SAMD5: variants seen among roughly 807,000 people sequenced by gnomAD.
SAMD5 encodes the protein sterile alpha motif domain containing 5.
A neutral mutation model predicts 11.3 loss-of-function variants in SAMD5; 13 were observed. The observed-to-expected ratio is 1.15, with a 90% CI of 0.75 to 1.83. SAMD5 has a LOEUF of 1.83. Ranked by LOEUF, SAMD5 falls within the 40% of genes most tolerant of loss-of-function variation. SAMD5 has a pLI of 0.00. For missense variants in SAMD5, 255 were observed against 239.1 expected, an observed-to-expected ratio of 1.07 and a Z score of -0.44; for synonymous variants, 129 against 111.3, an observed-to-expected ratio of 1.16 and a Z score of -1.00.
chr6:147,640,677 C>A (rs1236154044), intron 1 of SAMD5, among the ~76,000 whole-genome samples: 2 of 152,000 alleles, frequency 1.3e-5, no homozygotes, highest in African/African-American at 4.8e-5. Context: ...AGTCCCATCC[C>A]ATTTAAAACA....
At chr6:147,816,301 A>AAAAAAATAT in the SAMD5 span, among the ~76,000 whole-genome samples, 16 of 66,352 alleles carry the variant, frequency 2.4e-4, no homozygotes, top group African/African-American at 9.2e-4. Flanking sequence ...AAAAAAAAAA[A>AAAAAAATAT]ATATATATAT....
At chr6:147,674,908 T>C (rs755029991) in intron 1 of SAMD5, among the ~76,000 whole-genome samples, 1 of 152,190 alleles carries the variant, frequency 6.6e-6, no homozygotes, top group Non-Finnish European at 1.5e-5. Flanking sequence ...ATTCACAAAC[T>C]AAGGTATTAC....
intron 1 of SAMD5, among the ~76,000 whole-genome samples, chr6:147,578,183 A>C (rs1325674514): frequency 6.6e-6 from 1 of 152,162 alleles, no homozygotes; most frequent in African/African-American, 2.4e-5. Context: ...CTACTTTATA[A>C]ATTTTTTGAA....
chr6:147,654,466 G>T (rs1790536357), intron 1 of SAMD5, among the ~76,000 whole-genome samples: 1 of 152,198 alleles, frequency 6.6e-6, no homozygotes, highest in East Asian at 1.9e-4. Context: ...AACAGTTTCA[G>T]TGACTCTCAG....
the SAMD5 span, among the ~76,000 whole-genome samples, chr6:147,894,714 T>A: frequency 5.9e-5 from 9 of 152,188 alleles, no homozygotes; most frequent in Non-Finnish European, 1.3e-4. Flanking sequence ...TCTATTTGCA[T>A]AGAATTTATA....
intron 1 of SAMD5, among the ~76,000 whole-genome samples, chr6:147,596,178 G>A (rs62434734): frequency 0.088 from 13,402 of 152,102 alleles, 716 homozygotes; most frequent in Middle Eastern, 0.15. Context: ...GTCCTCATGT[G>A]CTTTCTCCTC....
the SAMD5 span, among the ~76,000 whole-genome samples, chr6:147,807,920 CTAATCGTA>C: frequency 1.3e-5 from 2 of 152,198 alleles, no homozygotes; most frequent in African/African-American, 4.8e-5. Flanking sequence ...TAGATAGTAT[CTAATCGTA>C]ATACATTTTT....
chr6:147,592,727 T>C (rs1335757327), intron 1 of SAMD5, among the ~76,000 whole-genome samples: 1 of 151,998 alleles, frequency 6.6e-6, no homozygotes, highest in Admixed American at 6.6e-5. Flanking sequence ...GTAAAACAGA[T>C]AATAATACCC....
chr6:147,805,545 A>T, the SAMD5 span, among the ~76,000 whole-genome samples: 1 of 152,328 alleles, frequency 6.6e-6, no homozygotes, highest in Non-Finnish European at 1.5e-5. Context: ...GAAAAGGAAA[A>T]CAACTTTGAA....
chr6:147,907,493 T>C, the SAMD5 span, among the ~76,000 whole-genome samples: 1 of 152,264 alleles, frequency 6.6e-6, no homozygotes, highest in Non-Finnish European at 1.5e-5. Context: ...ACCAACCTAA[T>C]ATCTACCTTG....
intron 1 of SAMD5, among the ~76,000 whole-genome samples, chr6:147,732,127 G>A (rs938741253): frequency 6.6e-6 from 1 of 152,226 alleles, no homozygotes; most frequent in East Asian, 1.9e-4. Context: ...CTTTAAAAGA[G>A]GATTGGATTT....
the SAMD5 span, among the ~76,000 whole-genome samples, chr6:147,871,278 AG>A: frequency 3.3e-5 from 5 of 152,204 alleles, no homozygotes; most frequent in Admixed American, 3.3e-4. Context: ...CTAATATTTT[AG>A]AGTTACATAT....
Position 147,568,486 on chromosome 6 carries a change from A to G in SAMD5, c.*4030A>G. On this transcript the variant is annotated 3_prime_UTR_variant, in exon 2 of 2. Coordinates refer to ENST00000367474, the MANE Select transcript of SAMD5 (RefSeq NM_001030060.3). ...TTCTGAATTTCAAGGCAAATAAGGC[A>G]TGAAGGGTGGAACATTGCATCTAGG... is the stretch of plus-strand genomic sequence containing the variant. The G allele has an allele frequency of 1.0e-6, 1 of 985,452 alleles. No homozygotes were observed. The highest frequency in any genetic ancestry group is 1.2e-6 in the Non-Finnish European group (1 of 829,900). The allele number at this position is 985,452 out of a possible 1,614,324, so 61.0% of individuals were successfully genotyped here.
At chr6:147,802,435 C>A in the SAMD5 span, among the ~76,000 whole-genome samples, 1 of 151,804 alleles carries the variant, frequency 6.6e-6, no homozygotes, top group African/African-American at 2.4e-5. Flanking sequence ...TGTGGAACAA[C>A]TCGAGCTCTC....
chr6:147,938,682 G>A, the SAMD5 span, among the ~76,000 whole-genome samples: 1 of 152,202 alleles, frequency 6.6e-6, no homozygotes, highest in East Asian at 1.9e-4. Flanking sequence ...TGGTGAGTCA[G>A]AATATCTTTC....
the SAMD5 span, among the ~76,000 whole-genome samples, chr6:147,840,863 G>T: frequency 6.6e-6 from 1 of 152,180 alleles, no homozygotes; most frequent in African/African-American, 2.4e-5. Flanking sequence ...GAGATGAACA[G>T]AAGCAGACAC....
At chr6:147,512,953 G>T (rs142422314) in intron 1 of SAMD5, among the ~76,000 whole-genome samples, 137 of 152,316 alleles carry the variant, frequency 9.0e-4, no homozygotes, top group African/African-American at 3.2e-3. Context: ...AGTTTTTCCA[G>T]AACTGGCCTA....
the SAMD5 span, among the ~76,000 whole-genome samples, chr6:147,757,129 T>C: frequency 6.6e-6 from 1 of 152,212 alleles, no homozygotes; most frequent in African/African-American, 2.4e-5. Flanking sequence ...CTTGCTGCAA[T>C]GTGATTGCTC....
the SAMD5 span, among the ~76,000 whole-genome samples, chr6:147,909,637 T>TCTTC: frequency 7.4e-6 from 1 of 135,930 alleles, no homozygotes; most frequent in African/African-American, 3.2e-5. Flanking sequence ...TCTTTCTCTT[T>TCTTC]CTTGTCTTTT....
Sources: gnomAD v4.1 joint callset for allele counts (sites outside exome capture counted in the v4.1 genomes callset) on GRCh38, gnomAD v4.1.1 for gene constraint, MANE v1.5 for transcripts, NCBI Gene and HGNC (gene_info 2026-07-23, HGNC 2026-07-21) for gene names.